The following PPA1 variants were observed in gnomAD, a reference collection of about 807,000 sequenced individuals.
PPA1 encodes inorganic pyrophosphatase.
Under a neutral mutation model 41.8 loss-of-function variants are expected in PPA1, and 23 were observed. That is an observed-to-expected ratio of 0.55 (90% CI 0.40 to 0.78). The LOEUF (loss-of-function observed/expected upper bound fraction) is 0.78. Ranked by LOEUF, PPA1 falls within the 30% of genes least tolerant of loss-of-function variation. PPA1 has a pLI of 0.00. For synonymous variants in PPA1, 101 were observed against 116.8 expected (o/e 0.86, Z 0.87); for missense variants, 320 against 361.6 (o/e 0.89, Z 0.93).
At chr10:70,209,972 C>T (rs1170609317) in intron 6 of PPA1, 1 of 379,256 alleles carries the variant, frequency 2.6e-6, no homozygotes, top group Non-Finnish European at 4.8e-6. Context: ...CAATAGTAAT[C>T]TCTGTTAGGT....
At chr10:70,216,040 G>A (rs926427206) in intron 4 of PPA1, among the ~76,000 whole-genome samples, 3 of 152,114 alleles carry the variant, frequency 2.0e-5, no homozygotes, top group African/African-American at 7.2e-5. Flanking sequence ...CTACTCAGCT[G>A]GAGTAAAGGC....
intron 2 of PPA1, among the ~76,000 whole-genome samples, chr10:70,228,337 C>T (rs1439614489): frequency 6.6e-6 from 1 of 152,170 alleles, no homozygotes; most frequent in Non-Finnish European, 1.5e-5. Flanking sequence ...CATCTATGAT[C>T]ATTCTGGTCC....
At chr10:70,206,759 G>A (rs12767368) in intron 8 of PPA1, among the ~76,000 whole-genome samples, 36,811 of 150,434 alleles carry the variant, frequency 0.24, 5,510 homozygotes, top group Non-Finnish European at 0.33. Flanking sequence ...CAGGAGAATC[G>A]CTTGAATCTG....
chr10:70,207,721 C>T (rs1251934991), intron 8 of PPA1, among the ~76,000 whole-genome samples: 6 of 152,030 alleles, frequency 3.9e-5, no homozygotes, highest in African/African-American at 1.4e-4. Context: ...TTTTAAAAAT[C>T]GTAAGACAAG....
intron 2 of PPA1, among the ~76,000 whole-genome samples, chr10:70,224,772 C>T (rs1840209603): frequency 6.6e-6 from 1 of 151,802 alleles, no homozygotes; most frequent in South Asian, 2.1e-4. Flanking sequence ...CTCTTGTTAC[C>T]CAGGCTGGAG....
chr10:70,214,789 A>G (rs969648424), intron 4 of PPA1, among the ~76,000 whole-genome samples: 1 of 152,174 alleles, frequency 6.6e-6, no homozygotes, highest in African/African-American at 2.4e-5. Flanking sequence ...GCTAAACTAA[A>G]TTTAAGCTTT....
chr10:70,207,689 A>G (rs1222858726), intron 8 of PPA1, among the ~76,000 whole-genome samples: 1 of 152,120 alleles, frequency 6.6e-6, no homozygotes, highest in African/African-American at 2.4e-5. Flanking sequence ...ACATGAGGAA[A>G]TGCTTATTAC....
chr10:70,213,490 C>A lies in PPA1; in HGVS notation c.484G>T (p.Asp162Tyr). 6.2e-7 allele frequency: 1 copy of A among 1,614,010 alleles called. No individual in the cohort carries two copies. The highest frequency in any genetic ancestry group is 8.5e-7 in the Non-Finnish European group (1 of 1,179,918). Residue 162 changes from aspartate (D) to tyrosine (Y), a missense_variant, in exon 6 of 11, where the codon GAT (aspartate) becomes TAT (tyrosine). By Grantham distance (160) the Asp-to-Tyr change is radical. Transcript: ENST00000373232. The part of the protein sequence containing the change: ...TDWKVIAINV[D>Y]DPDAANYNDI... Reference sequence around the variant, plus strand: ...TTATAATTGGCTGCATCAGGATCATCCACATTAATGGCAATGACTTTCCAG... The same window carrying A: ...TTATAATTGGCTGCATCAGGATCATACACATTAATGGCAATGACTTTCCAG...
At position 70,206,295 on chromosome 10, in the gene PPA1, T is replaced by C. The variant is rs764591840; in HGVS notation, c.764A>G (p.Asp255Gly). The C allele has an allele frequency of 3.1e-6, 5 of 1,613,582 alleles. No individual in the cohort carries two copies. In the South Asian group the frequency reaches 5.5e-5, roughly 18 times the overall value. Residue 255 changes from aspartate to glycine, a missense_variant, in exon 9 of 11, where the codon GAT becomes GGT. Asp to Gly is a moderately conservative substitution (Grantham distance 94, BLOSUM62 -1). Coordinates refer to ENST00000373232, the MANE Select transcript of PPA1 (RefSeq NM_021129.4). The stretch of plus-strand genomic sequence containing the variant: ...CACAATGGCTCTGGCAGCATCAGGA[T>C]CACACTTGAAGGGGCTCTCAGACAA... ...TTLSESPFKC[D>G]PDAARAIVDA...
At chr10:70,222,463 G>T (rs1840184614) in intron 2 of PPA1, among the ~76,000 whole-genome samples, 2 of 151,944 alleles carry the variant, frequency 1.3e-5, no homozygotes, top group Non-Finnish European at 2.9e-5. Flanking sequence ...GGATGTGCCA[G>T]GCACTTTTCT....
At chr10:70,219,064 T>C (rs559341705) in intron 2 of PPA1, among the ~76,000 whole-genome samples, 2 of 152,340 alleles carry the variant, frequency 1.3e-5, no homozygotes, top group African/African-American at 4.8e-5. Flanking sequence ...TCTTAATTTT[T>C]ATTTACTTCT....
chr10:70,225,538 T>C (rs565392825), intron 2 of PPA1, among the ~76,000 whole-genome samples: 2 of 152,208 alleles, frequency 1.3e-5, no homozygotes, highest in South Asian at 4.1e-4. Flanking sequence ...TTAATCTTTA[T>C]TGTTTTGCAA....
chr10:70,209,835 C>T (rs1270276259), intron 6 of PPA1, 150 bp from the exon 7 acceptor site: 6 of 928,378 alleles, frequency 6.5e-6, no homozygotes, highest in South Asian at 3.1e-5. Context: ...TGACTTATCA[C>T]GGAAGTTCAA....
intron 1 of PPA1, among the ~76,000 whole-genome samples, chr10:70,232,525 G>A (rs1038860152): frequency 1.3e-5 from 2 of 152,256 alleles, no homozygotes; most frequent in Non-Finnish European, 2.9e-5. Context: ...GCAGGACCCG[G>A]GGTAGGTACC....
At chr10:70,210,443 A>C (rs774128186) in intron 6 of PPA1, 2 of 1,362,468 alleles carry the variant, frequency 1.5e-6, no homozygotes. Context: ...AAAATAGATT[A>C]GATTGATATC....
intron 2 of PPA1, among the ~76,000 whole-genome samples, chr10:70,220,496 A>C (rs1840127250): frequency 9.7e-6 from 1 of 102,892 alleles, no homozygotes; most frequent in Non-Finnish European, 1.8e-5. Flanking sequence ...TATATATATT[A>C]TATAATTTTA....
intron 2 of PPA1, among the ~76,000 whole-genome samples, chr10:70,229,322 G>T (rs962278392): frequency 6.6e-6 from 1 of 152,158 alleles, no homozygotes. Context: ...CCTAAGACAG[G>T]TTCTTGCTAT....
At chr10:70,213,667 A>G in intron 5 of PPA1, 78 bp from the exon 6 acceptor site, 1 of 1,483,162 alleles carries the variant, frequency 6.7e-7, no homozygotes, top group Non-Finnish European at 9.1e-7. Flanking sequence ...CTAACAGGAA[A>G]TAAGAAAGAG....
Position 70,226,222 on chromosome 10 carries a change from T to C in PPA1, c.123+4119A>G, listed in dbSNP as rs1467826450. Among the ~76,000 whole-genome samples the C allele has an allele frequency of 5.3e-5, 8 of 152,238 alleles. No individual in the cohort carries two copies. The East Asian group carries it at 1.5e-3, about 29-fold the overall frequency. On this transcript the variant is annotated intron_variant, in intron 2 of 10. Coordinates refer to ENST00000373232, the MANE Select transcript of PPA1 (RefSeq NM_021129.4). ...TCAAACAAATGCCTGTATTTGCTACTACACACTACCATATGTACCTGTGTA... is the reference window on the plus strand; with the variant it reads ...TCAAACAAATGCCTGTATTTGCTACCACACACTACCATATGTACCTGTGTA...
Sources: gnomAD v4.1 joint callset for allele counts (sites outside exome capture counted in the v4.1 genomes callset) on GRCh38, gnomAD v4.1.1 for gene constraint, MANE v1.5 for transcripts, NCBI Gene and HGNC (gene_info 2026-07-23, HGNC 2026-07-21) for gene names.